The following LARGE1 variants were observed in gnomAD, a reference collection of about 807,000 sequenced individuals.
The protein encoded by LARGE1 is xylosyl- and glucuronyltransferase LARGE1.
In LARGE1, 43 loss-of-function variants were observed where a neutral mutation model predicts 87.6. The observed-to-expected ratio is 0.49, with a 90% CI of 0.38 to 0.63. The LOEUF is 0.63. Among genes scored for constraint, LARGE1 ranks in the 30% least tolerant of loss-of-function variants. The probability of loss-of-function intolerance (pLI) is 0.00; values close to 1 mark genes in which losing one functional copy is unlikely to be tolerated. For missense variants in LARGE1, 802 were observed against 1,000.2 expected (o/e 0.80, Z 2.67); for synonymous variants, 434 against 394.6 (o/e 1.10, Z -1.18).
chr22:33,580,820 G>A (rs559508038), intron 5 of LARGE1, among the ~76,000 whole-genome samples: 8 of 152,328 alleles, frequency 5.3e-5, no homozygotes, highest in African/African-American at 1.9e-4. Context: ...TATTTAGCCA[G>A]TAGTGAGCAG....
chr22:33,761,505 A>G lies in LARGE1; in HGVS notation c.-29T>C. The G allele has an allele frequency of 6.4e-7, 1 of 1,567,216 alleles. No individual in the cohort carries two copies. Among genetic ancestry groups the G allele is most frequent in the East Asian group, 2.2e-5 (1 of 44,594 alleles). ...CTCAGAAGTGGCAATCCCTAATCCC[A>G]GCGCCGTTTCTCTGTCCGGAGCATG... On this transcript the variant is annotated 5_prime_UTR_variant, in exon 2 of 15. Coordinates refer to ENST00000397394, the MANE Select transcript of LARGE1 (RefSeq NM_133642.5).
chr22:33,225,850 T>C (rs113111882), intron 11 of LARGE1, among the ~76,000 whole-genome samples: 3,922 of 152,326 alleles, frequency 0.026, 63 homozygotes, highest in African/African-American at 0.033. Context: ...CTAAGGATAA[T>C]GGCCTCCAGC....
rs185383754 is a variant in LARGE1, at chr22:33,245,208, T to C, written c.1730+59021A>G. On this transcript the variant is annotated intron_variant, in intron 11 of 11. Coordinates refer to the LARGE1 transcript ENST00000608642. ...CCAAATCAGGACAGCAAGGTGGTTG[T>C]CTAATGATTTCTCATTGAAACCCTT... Among the ~76,000 whole-genome samples the C allele has an allele frequency of 3.9e-5, 6 of 152,276 alleles. No individual in the cohort carries two copies. The East Asian group carries it at 1.2e-3, about 29-fold the overall frequency.
At chr22:33,220,905 C>T (rs1925425133) in intron 11 of LARGE1, among the ~76,000 whole-genome samples, 1 of 152,134 alleles carries the variant, frequency 6.6e-6, no homozygotes, top group African/African-American at 2.4e-5. Flanking sequence ...GAGATTCGGC[C>T]TTGCATGGTT....
intron 1 of LARGE1, among the ~76,000 whole-genome samples, chr22:33,913,989 C>A (rs973365006): frequency 3.9e-5 from 6 of 152,150 alleles, no homozygotes; most frequent in African/African-American, 1.4e-4. Context: ...AGGTAAAAAT[C>A]TTTTTGTACT....
the LARGE1 span, among the ~76,000 whole-genome samples, chr22:33,103,242 G>T: frequency 6.6e-6 from 1 of 151,860 alleles, no homozygotes; most frequent in Admixed American, 6.6e-5. Context: ...GACCATCCTG[G>T]CTAACAAGGT....
intron 3 of LARGE1, among the ~76,000 whole-genome samples, chr22:33,635,164 T>G (rs1284618342): frequency 1.3e-5 from 2 of 151,146 alleles, no homozygotes; most frequent in Non-Finnish European, 2.9e-5. Flanking sequence ...AATCTGGAGA[T>G]TCACTCCTTA....
chr22:33,075,405 TAG>T, the LARGE1 span, among the ~76,000 whole-genome samples: 1 of 152,268 alleles, frequency 6.6e-6, no homozygotes, highest in African/African-American at 2.4e-5. Context: ...TGATCTTCCT[TAG>T]GTGAATCAGT....
At chr22:33,904,880 T>A (rs2065395022) in intron 1 of LARGE1, among the ~76,000 whole-genome samples, 1 of 152,050 alleles carries the variant, frequency 6.6e-6, no homozygotes, top group Admixed American at 6.6e-5. Flanking sequence ...ATTTCAAGTG[T>A]GCTTAATCAG....
chr22:33,104,412 C>T, the LARGE1 span, among the ~76,000 whole-genome samples: 1 of 152,294 alleles, frequency 6.6e-6, no homozygotes, highest in East Asian at 1.9e-4. Context: ...ATGAGCTGCA[C>T]TGATGGTAAA....
At chr22:33,279,469 C>T (rs1930013603) in intron 13 of LARGE1, among the ~76,000 whole-genome samples, 2 of 152,284 alleles carry the variant, frequency 1.3e-5, no homozygotes, top group African/African-American at 4.8e-5. Context: ...CCTTCTTTTG[C>T]TTTTCTACCA....
Position 33,708,969 on chromosome 22 carries a change from T to G in LARGE1, c.106+52402A>C, listed in dbSNP as rs2082645345. Among the ~76,000 whole-genome samples, 4 of 152,064 alleles carry G rather than the reference T, an allele frequency of 2.6e-5. No individual in the cohort carries two copies. In the South Asian group the frequency reaches 8.3e-4, roughly 32 times the overall value. On this transcript the variant is annotated intron_variant, in intron 2 of 14. Transcript: ENST00000397394. ...ATCTTCTGCTAGTGTCTTCATGGGG[T>G]CTTTCCTCTGTATCTGTGTCCTAAT...
intron 11 of LARGE1, among the ~76,000 whole-genome samples, chr22:33,170,732 A>C (rs1196435540): frequency 1.3e-5 from 2 of 152,200 alleles, no homozygotes; most frequent in African/African-American, 4.8e-5. Flanking sequence ...TCCTTTAAAA[A>C]TTACCCCATC....
At chr22:33,290,119 A>G (rs1932263973) in intron 12 of LARGE1, among the ~76,000 whole-genome samples, 1 of 152,146 alleles carries the variant, frequency 6.6e-6, no homozygotes, top group Non-Finnish European at 1.5e-5. Context: ...ACCAATCCTC[A>G]ACCTGACCCT....
chr22:33,370,406 G>A (rs993235710), intron 9 of LARGE1, among the ~76,000 whole-genome samples: 2 of 152,050 alleles, frequency 1.3e-5, no homozygotes, highest in African/African-American at 4.8e-5. Context: ...ATTTGAAGCT[G>A]AAGAAAGGAA....
Position 33,920,250 on chromosome 22 carries a change from C to T in LARGE1, c.-338G>A, listed in dbSNP as rs1008314328. ...CCGCTGCCTGGAGCTGCTCCCGGCC[C>T]GGGGGACTCTTCCGAGCCAGGGGCG... On this transcript the variant is annotated 5_prime_UTR_variant, in exon 1 of 15. Transcript: ENST00000397394. 6 of 152,756 alleles carry T rather than the reference C, an allele frequency of 3.9e-5. No homozygotes were observed. Among genetic ancestry groups the T allele is most frequent in the Non-Finnish European group, 4.4e-5 (3 of 68,580 alleles). The allele number at this position is 152,756 out of a possible 1,614,324, so 9.5% of individuals were successfully genotyped here.
At chr22:33,171,890 G>C (rs1018879783) in intron 11 of LARGE1, among the ~76,000 whole-genome samples, 2 of 152,158 alleles carry the variant, frequency 1.3e-5, no homozygotes, top group African/African-American at 4.8e-5. Context: ...TTGTCCTCCA[G>C]ACCCCAGAAA....
intron 1 of LARGE1, among the ~76,000 whole-genome samples, chr22:33,856,397 A>C (rs2063756776): frequency 6.6e-6 from 1 of 152,194 alleles, no homozygotes; most frequent in South Asian, 2.1e-4. Context: ...GAAGAGGCTG[A>C]AATGAAGACT....
At chr22:33,557,015 A>C (rs368279247) in intron 6 of LARGE1, among the ~76,000 whole-genome samples, 52 of 152,240 alleles carry the variant, frequency 3.4e-4, no homozygotes, top group African/African-American at 1.1e-3. Context: ...GAACAAACAA[A>C]CAACCCTGAG....
Sources: gnomAD v4.1 joint callset for allele counts (sites outside exome capture counted in the v4.1 genomes callset) on GRCh38, gnomAD v4.1.1 for gene constraint, MANE v1.5 for transcripts, NCBI Gene and HGNC (gene_info 2026-07-23, HGNC 2026-07-21) for gene names.